ZFHX4: variants seen among roughly 807,000 people sequenced by gnomAD.
ZFHX4 encodes the protein zinc finger homeobox protein 4.
A neutral mutation model predicts 267.6 loss-of-function variants in ZFHX4; 56 were observed. That is an observed-to-expected ratio of 0.21 (90% CI 0.17 to 0.26). The LOEUF is 0.26. ZFHX4 is among the 10% of genes least tolerant of loss of function. The probability of loss-of-function intolerance (pLI) is 1.00; values close to 1 mark genes in which losing one functional copy is unlikely to be tolerated. For missense variants in ZFHX4, 4,332 were observed against 4,420.0 expected (o/e 0.98, Z 0.56); for synonymous variants, 1,778 against 1,665.6 (o/e 1.07, Z -1.64).
At chr8:76,752,061 C>A (rs895843242) in intron 3 of ZFHX4, among the ~76,000 whole-genome samples, 1 of 151,916 alleles carries the variant, frequency 6.6e-6, no homozygotes, top group Non-Finnish European at 1.5e-5. Flanking sequence ...TGAGGATGAA[C>A]CTAACAGTGA....
chr8:76,761,336 T>A (rs1809906654), intron 3 of ZFHX4, among the ~76,000 whole-genome samples: 1 of 152,154 alleles, frequency 6.6e-6, no homozygotes, highest in Non-Finnish European at 1.5e-5. Flanking sequence ...GAAATGTGAG[T>A]TGCCCATGCA....
At chr8:76,816,782 G>A (rs1480328602) in intron 4 of ZFHX4, among the ~76,000 whole-genome samples, 2 of 151,876 alleles carry the variant, frequency 1.3e-5, no homozygotes, top group Non-Finnish European at 2.9e-5. Context: ...TTTTAGTAGA[G>A]ACGTGGTTTC....
chr8:76,750,077 A>C (rs1198213880), intron 3 of ZFHX4, among the ~76,000 whole-genome samples: 1 of 152,164 alleles, frequency 6.6e-6, no homozygotes, highest in Admixed American at 6.5e-5. Context: ...AAATTCTATG[A>C]GAACCAGACC....
At chr8:76,839,974 G>A (rs1812192451) in intron 5 of ZFHX4, among the ~76,000 whole-genome samples, 1 of 152,094 alleles carries the variant, frequency 6.6e-6, no homozygotes, top group Non-Finnish European at 1.5e-5. Context: ...CCCTCTTTGA[G>A]AATAAAAGTG....
chr8:76,737,176 G>T (rs1809185678), intron 3 of ZFHX4, among the ~76,000 whole-genome samples: 1 of 152,130 alleles, frequency 6.6e-6, no homozygotes, highest in South Asian at 2.1e-4. Context: ...ACCTGTATCT[G>T]CTGAGCTACA....
intron 1 of ZFHX4, 68 bp downstream of exon 1, chr8:76,681,688 C>G (rs1270469445): frequency 5.3e-6 from 2 of 378,290 alleles, no homozygotes; most frequent in Admixed American, 4.5e-5. Flanking sequence ...GATTATCTTT[C>G]CAGCCTGATC....
In ZFHX4 at chr8:76,681,447, C is replaced by T. The variant is rs1455244646; in HGVS notation, c.-220C>T. ...CCCGAGGACCGCTCCATGCCCCCCA[C>T]TTTCTGCTCCAGCGTTTTTATTTTC... On this transcript the variant is annotated 5_prime_UTR_variant, in exon 1 of 11. Coordinates refer to ENST00000651372, the MANE Select transcript of ZFHX4 (RefSeq NM_024721.5). 2.5e-6 allele frequency: 1 copy of T among 398,518 alleles called. No homozygotes were observed. The highest frequency in any genetic ancestry group is 3.6e-5 in the East Asian group (1 of 28,022). 24.7% of individuals were successfully genotyped at this position (398,518 alleles called of 1,614,324 possible). A position where few individuals can be genotyped will look rare whatever the true frequency, so the allele number is the denominator to read the frequency against.
At chr8:76,703,950 A>T in intron 1 of ZFHX4, 93 bp from the exon 2 acceptor site, 3 of 898,808 alleles carry the variant, frequency 3.3e-6, no homozygotes, top group Non-Finnish European at 5.0e-6. Context: ...TTAGATAGTC[A>T]CGTTTACAGC....
intron 3 of ZFHX4, among the ~76,000 whole-genome samples, chr8:76,722,156 G>A (rs1808738683): frequency 1.3e-5 from 2 of 151,966 alleles, no homozygotes; most frequent in South Asian, 2.1e-4. Flanking sequence ...ATCAATCAAG[G>A]GCTACCAATG....
intron 4 of ZFHX4, among the ~76,000 whole-genome samples, chr8:76,804,093 C>T (rs920902997): frequency 2.6e-5 from 4 of 151,930 alleles, no homozygotes; most frequent in Non-Finnish European, 5.9e-5. Flanking sequence ...AGAAAATATT[C>T]AAATGCCTTA....
rs546048453 is a variant in ZFHX4, at chr8:76,866,393, G to A, written c.*1828G>A. On this transcript the variant is annotated 3_prime_UTR_variant, in exon 11 of 11. Coordinates refer to ENST00000651372, the MANE Select transcript of ZFHX4 (RefSeq NM_024721.5). ...TTTATTATTGTACAGTTTTTGTTTC[G>A]GATGATGATCACAGCAATCTTTATT... The A allele has an allele frequency of 3.3e-5, 5 of 150,978 alleles. No individual in the cohort carries two copies. Among genetic ancestry groups the A allele is most frequent in the South Asian group, 4.2e-4 (2 of 4,770 alleles). 9.4% of individuals were successfully genotyped at this position (150,978 alleles called of 1,614,324 possible). A position where few individuals can be genotyped will look rare whatever the true frequency, so the allele number is the denominator to read the frequency against.
In ZFHX4 at chr8:76,681,586, C is replaced by T. The variant is rs1282248163; in HGVS notation, c.-81C>T. ...AAATAAAAGCAAAACAAAAAAGAGG[C>T]GAAGATCGAGTAGGAACTGCAGGGG... is the stretch of plus-strand genomic sequence containing the variant. On this transcript the variant is annotated 5_prime_UTR_variant, in exon 1 of 11. Coordinates refer to ENST00000651372, the MANE Select transcript of ZFHX4 (RefSeq NM_024721.5). The T allele has an allele frequency of 5.0e-6, 2 of 396,922 alleles. No homozygotes were observed. Among genetic ancestry groups the T allele is most frequent in the Admixed American group, 4.4e-5 (1 of 22,660 alleles). The allele number at this position is 396,922 out of a possible 1,614,324, so 24.6% of individuals were successfully genotyped here.
intron 3 of ZFHX4, among the ~76,000 whole-genome samples, chr8:76,743,820 G>C (rs962963913): frequency 2.0e-5 from 3 of 152,160 alleles, no homozygotes; most frequent in African/African-American, 7.2e-5. Flanking sequence ...ACTTCCAAAG[G>C]CCAAGCCTAT....
intron 4 of ZFHX4, among the ~76,000 whole-genome samples, chr8:76,811,417 A>G (rs373945947): frequency 1.4e-4 from 22 of 152,314 alleles, no homozygotes; most frequent in African/African-American, 4.1e-4. Context: ...ATTTTTAACA[A>G]TATGTTGGTG....
At chr8:76,709,726 A>AT (rs1808372732) in intron 3 of ZFHX4, among the ~76,000 whole-genome samples, 1 of 151,034 alleles carries the variant, frequency 6.6e-6, no homozygotes, top group South Asian at 2.1e-4. Context: ...GTTATTGTTT[A>AT]TTTTTTCAGA....
At chr8:76,823,225 C>T (rs1811701028) in intron 4 of ZFHX4, among the ~76,000 whole-genome samples, 1 of 151,190 alleles carries the variant, frequency 6.6e-6, no homozygotes, top group African/African-American at 2.4e-5. Flanking sequence ...GGCACCTCTG[C>T]TTAAAACCCC....
At chr8:76,764,646 A>G (rs1340470364) in intron 3 of ZFHX4, among the ~76,000 whole-genome samples, 1 of 152,198 alleles carries the variant, frequency 6.6e-6, no homozygotes, top group Non-Finnish European at 1.5e-5. Context: ...GGAGACAAGG[A>G]TCACTTCAAA....
intron 3 of ZFHX4, among the ~76,000 whole-genome samples, chr8:76,730,324 A>T (rs1808969924): frequency 6.6e-6 from 1 of 152,214 alleles, no homozygotes; most frequent in South Asian, 2.1e-4. Flanking sequence ...AAATGTATTC[A>T]TTCTGCAAAC....
Position 76,855,596 on chromosome 8 carries a change from C to T in ZFHX4, c.8675C>T (p.Pro2892Leu), listed in dbSNP as rs763406946. Residue 2892 changes from proline (P) to leucine (L), a missense_variant, in exon 10 of 11, where the codon CCG becomes CTG. Physicochemically the swap from Pro to Leu is moderately conservative, Grantham distance 98. Around this residue, in one of 7 missense-constraint regions of ZFHX4, gnomAD observed 1,648 missense variants for 1,625.0 expected, o/e 1.01. Transcript: ENST00000651372. ...HDQSFYITDD[P>L]DDNADRSETS... ...CAAAGCTTTTACATCACAGATGACC[C>T]GGATGACAACGCCGACCGCAGCGAA... is the stretch of plus-strand genomic sequence containing the variant. 2 of 1,613,686 alleles carry T rather than the reference C, an allele frequency of 1.2e-6. No homozygotes were observed. The highest frequency in any genetic ancestry group is 1.7e-5 in the Admixed American group (1 of 59,992).
Sources: gnomAD v4.1 joint callset for allele counts (sites outside exome capture counted in the v4.1 genomes callset) on GRCh38, gnomAD v4.1.1 for gene constraint, gnomAD v4.1.1 regional missense constraint, MANE v1.5 for transcripts, NCBI Gene and HGNC (gene_info 2026-07-23, HGNC 2026-07-21) for gene names.